Variants in TAS2R1 observed in about 807,000 individuals in gnomAD.
TAS2R1 encodes the protein taste receptor type 2 member 1.
For missense variants in TAS2R1, 370 were observed against 353.4 expected (o/e 1.05, Z -0.38); for synonymous variants, 141 against 134.2 (o/e 1.05, Z -0.35).
rs187040698 is a variant in TAS2R1 at position 9,709,595 on chromosome 5, G to A, written c.-242+2577C>T. ...GATGATAAAAGACACTGTGGCTTCC[G>A]TCTTGGTCTCTCTCATCCCTTCTCT... On this transcript the variant is annotated intron_variant, in intron 1 of 2. Coordinates refer to the TAS2R1 transcript ENST00000506620. Among the ~76,000 whole-genome samples the A allele has an allele frequency of 1.8e-4, 27 of 152,300 alleles. No homozygotes were observed. In the East Asian group the frequency reaches 3.5e-3, roughly 20 times the overall value.
At chr5:9,885,593 G>C in the TAS2R1 span, among the ~76,000 whole-genome samples, 1 of 152,240 alleles carries the variant, frequency 6.6e-6, no homozygotes, top group Non-Finnish European at 1.5e-5. Context: ...TAAGTCAGGG[G>C]GGAAAAAGAA....
At chr5:9,712,741 T>C (rs915265829), upstream of TAS2R1, among the ~76,000 whole-genome samples, 1 of 152,144 alleles carries the variant, frequency 6.6e-6, no homozygotes, top group South Asian at 2.1e-4. Flanking sequence ...GCGCTGTCTC[T>C]CTCTCTCCTT....
the TAS2R1 span, among the ~76,000 whole-genome samples, chr5:9,898,468 C>T: frequency 6.6e-6 from 1 of 152,202 alleles, no homozygotes; most frequent in South Asian, 2.1e-4. Context: ...TCCTGCTGGC[C>T]TCTAGTTATG....
At chr5:9,856,177 A>G in the TAS2R1 span, among the ~76,000 whole-genome samples, 1 of 152,232 alleles carries the variant, frequency 6.6e-6, no homozygotes, top group Non-Finnish European at 1.5e-5. Context: ...ACTGACAGAT[A>G]GCCAAAATAA....
the TAS2R1 span, among the ~76,000 whole-genome samples, chr5:9,754,931 G>T: frequency 6.6e-6 from 1 of 152,174 alleles, no homozygotes; most frequent in Non-Finnish European, 1.5e-5. Context: ...AGCCCGCATT[G>T]CCAAGTCAAT....
chr5:9,800,012 G>C, the TAS2R1 span, among the ~76,000 whole-genome samples: 1 of 152,226 alleles, frequency 6.6e-6, no homozygotes, highest in Non-Finnish European at 1.5e-5. Flanking sequence ...GGTAGAAACT[G>C]CCAAGGTGAG....
the TAS2R1 span, among the ~76,000 whole-genome samples, chr5:9,816,370 A>T: frequency 1.3e-5 from 2 of 152,178 alleles, no homozygotes; most frequent in African/African-American, 4.8e-5. Context: ...TTGTCTTTCC[A>T]ACAAGACAGT....
upstream of TAS2R1, among the ~76,000 whole-genome samples, chr5:9,631,590 A>G (rs73743125): frequency 8.9e-3 from 1,358 of 152,320 alleles, 22 homozygotes; most frequent in African/African-American, 0.03. Flanking sequence ...GTGGGGACCA[A>G]TTCAATAAAC....
chr5:9,751,618 A>G, the TAS2R1 span, among the ~76,000 whole-genome samples: 49 of 152,268 alleles, frequency 3.2e-4, no homozygotes, highest in Non-Finnish European at 6.0e-4. Flanking sequence ...TTTACATTTC[A>G]TATTTGTTTT....
the TAS2R1 span, among the ~76,000 whole-genome samples, chr5:9,796,862 C>T: frequency 2.0e-5 from 3 of 152,118 alleles, no homozygotes; most frequent in South Asian, 2.1e-4. Flanking sequence ...AAAAGCCCTA[C>T]TTCAAACTGT....
chr5:9,726,623 C>G, the TAS2R1 span, among the ~76,000 whole-genome samples: 4 of 152,174 alleles, frequency 2.6e-5, no homozygotes, highest in Non-Finnish European at 5.9e-5. Flanking sequence ...GAAGAAACTT[C>G]GAACACATCC....
chr5:9,869,133 C>T, the TAS2R1 span, among the ~76,000 whole-genome samples: 1 of 152,190 alleles, frequency 6.6e-6, no homozygotes, highest in Admixed American at 6.5e-5. Flanking sequence ...CCAACCTCTG[C>T]CTGTTACCCA....
chr5:9,850,272 G>A, the TAS2R1 span, among the ~76,000 whole-genome samples: 1 of 152,100 alleles, frequency 6.6e-6, no homozygotes, highest in Non-Finnish European at 1.5e-5. Flanking sequence ...GCTTATTTCT[G>A]TTACTTCCAC....
the TAS2R1 span, among the ~76,000 whole-genome samples, chr5:9,728,986 C>A: frequency 6.6e-6 from 1 of 152,200 alleles, no homozygotes; most frequent in Non-Finnish European, 1.5e-5. Flanking sequence ...CCTGAGCTAT[C>A]TTCTGGCTCA....
the TAS2R1 span, among the ~76,000 whole-genome samples, chr5:9,743,070 A>T: frequency 1.4e-5 from 1 of 71,814 alleles, no homozygotes; most frequent in Admixed American, 1.8e-4. Flanking sequence ...TAGGTGATTA[A>T]AAAAAAAAAA....
the TAS2R1 span, among the ~76,000 whole-genome samples, chr5:9,882,640 A>T: frequency 5.3e-5 from 8 of 152,166 alleles, no homozygotes; most frequent in African/African-American, 9.7e-5. Context: ...AAATATAAAT[A>T]AATTAATTAA....
the TAS2R1 span, among the ~76,000 whole-genome samples, chr5:9,826,820 C>T: frequency 6.7e-6 from 1 of 149,402 alleles, no homozygotes; most frequent in Non-Finnish European, 1.5e-5. Flanking sequence ...TTCTGGAAAC[C>T]TTGTTTTTTC....
chr5:9,726,417 G>T, the TAS2R1 span, among the ~76,000 whole-genome samples: 1 of 152,184 alleles, frequency 6.6e-6, no homozygotes, highest in Admixed American at 6.5e-5. Context: ...GAGAATAAAA[G>T]CAGGTTGTCC....
the TAS2R1 span, among the ~76,000 whole-genome samples, chr5:9,885,583 T>C: frequency 6.6e-6 from 1 of 152,190 alleles, no homozygotes; most frequent in Admixed American, 6.5e-5. Flanking sequence ...AAAAATGATA[T>C]AAGTCAGGGG....
Sources: gnomAD v4.1 joint callset for allele counts (sites outside exome capture counted in the v4.1 genomes callset) on GRCh38, gnomAD v4.1.1 for gene constraint, MANE v1.5 for transcripts, NCBI Gene and HGNC (gene_info 2026-07-23, HGNC 2026-07-21) for gene names.